ARHGAP6: variants seen among roughly 807,000 people sequenced by gnomAD.
The protein encoded by ARHGAP6 is rho GTPase-activating protein 6.
ARHGAP6 carries 16 observed loss-of-function variants against 55.7 expected under a neutral mutation model. The observed-to-expected ratio is 0.29, with a 90% CI of 0.19 to 0.44. The LOEUF is 0.44. ARHGAP6 is among the 20% of genes least tolerant of loss of function. The pLI, the probability that ARHGAP6 is intolerant of heterozygous loss-of-function variation, is 1.00. For missense variants in ARHGAP6, 698 were observed against 808.9 expected (o/e 0.86, Z 1.66); for synonymous variants, 382 against 360.9 (o/e 1.06, Z -0.66).
chrX:11,600,632 G>A (rs186769357), intron 1 of ARHGAP6, among the ~76,000 whole-genome samples: 22 of 112,331 alleles, frequency 2.0e-4, no homozygotes, highest in Admixed American at 2.8e-4. Context: ...AATGACAAAT[G>A]AAGTGTTGGT....
At chrX:11,152,736 T>C (rs1292373869) in intron 10 of ARHGAP6, among the ~76,000 whole-genome samples, 1 of 112,419 alleles carries the variant, frequency 8.9e-6, no homozygotes, top group African/African-American at 3.2e-5. Flanking sequence ...GGATGCCTTT[T>C]TAATGTCAAA....
chrX:11,638,845 G>C (rs977896846), intron 1 of ARHGAP6, among the ~76,000 whole-genome samples: 2 of 111,706 alleles, frequency 1.8e-5, no homozygotes, highest in Non-Finnish European at 3.8e-5. Flanking sequence ...TAGTAAAAGT[G>C]GTCAAACTAC....
Position 11,138,742 on chromosome X carries a change from T to C in ARHGAP6, c.*121A>G, listed in dbSNP as rs2045577647. 1 of 797,977 alleles carries C rather than the reference T, an allele frequency of 1.3e-6. No individual in the cohort carries two copies. The allele number at this position is 797,977 out of a possible 1,213,427, so 65.8% of individuals were successfully genotyped here. ...CTCTGTAGGTGAACTGGATTTCTCT[T>C]GTGTCACTTTTGAGAAGTGTGAAAG... On this transcript the variant is annotated 3_prime_UTR_variant, in exon 13 of 13. Coordinates refer to ENST00000337414, the MANE Select transcript of ARHGAP6 (RefSeq NM_013427.3).
At chrX:11,567,566 A>AAAAAAAAAAAAAATATATATATATATAT (rs1440758737) in intron 1 of ARHGAP6, among the ~76,000 whole-genome samples, 21 of 84,393 alleles carry the variant, frequency 2.5e-4, no homozygotes, top group African/African-American at 7.6e-4. Flanking sequence ...AAAAAAAAAA[A>AAAAAAAAAAAAAATATATATATATATAT]ATATATATAT....
chrX:11,230,277 A>G (rs5934982), intron 2 of ARHGAP6, among the ~76,000 whole-genome samples: 2,903 of 111,656 alleles, frequency 0.026, 35 homozygotes, highest in Middle Eastern at 0.078. Flanking sequence ...GGCTCACTGC[A>G]ACCTCTGTCT....
intron 1 of ARHGAP6, among the ~76,000 whole-genome samples, chrX:11,629,283 T>C (rs2052334459): frequency 9.0e-6 from 1 of 111,672 alleles, no homozygotes; most frequent in Non-Finnish European, 1.9e-5. Context: ...CCATCTTAGA[T>C]ATCTGCCATC....
chrX:11,612,975 A>G (rs1224733415), intron 1 of ARHGAP6, among the ~76,000 whole-genome samples: 1 of 112,947 alleles, frequency 8.9e-6, no homozygotes, highest in Non-Finnish European at 1.9e-5. Flanking sequence ...ATTATCTAAA[A>G]TGCCCATAAT....
intron 2 of ARHGAP6, among the ~76,000 whole-genome samples, chrX:11,253,228 A>G (rs2047445791): frequency 9.0e-6 from 1 of 111,230 alleles, no homozygotes; most frequent in Non-Finnish European, 1.9e-5. Context: ...ATATCCAGAC[A>G]TTGCCAGATG....
chrX:11,586,438 C>T (rs927128404), intron 1 of ARHGAP6, among the ~76,000 whole-genome samples: 2 of 111,572 alleles, frequency 1.8e-5, no homozygotes, highest in African/African-American at 6.5e-5. Flanking sequence ...AGTCCTTTCC[C>T]CATTGCTTGT....
chrX:11,215,714 C>A (rs1371011896), intron 2 of ARHGAP6, among the ~76,000 whole-genome samples: 5 of 112,612 alleles, frequency 4.4e-5, no homozygotes, highest in Non-Finnish European at 9.4e-5. Context: ...TACGGCCAAC[C>A]AGGAAATGGA....
intron 1 of ARHGAP6, among the ~76,000 whole-genome samples, chrX:11,385,655 G>A (rs920891551): frequency 8.9e-6 from 1 of 111,759 alleles, no homozygotes; most frequent in African/African-American, 3.2e-5. Flanking sequence ...TGCAATCTCT[G>A]TTTAAGTGTT....
intron 1 of ARHGAP6, among the ~76,000 whole-genome samples, chrX:11,653,365 C>T (rs1210639502): frequency 8.9e-6 from 1 of 111,978 alleles, no homozygotes; most frequent in East Asian, 2.8e-4. Flanking sequence ...CACTCCAATG[C>T]CTACCATGAA....
At chrX:11,393,793 G>T (rs767776094) in intron 1 of ARHGAP6, among the ~76,000 whole-genome samples, 18 of 111,466 alleles carry the variant, frequency 1.6e-4, no homozygotes, top group Middle Eastern at 9.2e-3. Flanking sequence ...TCAGCCCAGA[G>T]CCTGAATTCT....
At chrX:11,473,848 A>G (rs760832693) in intron 1 of ARHGAP6, among the ~76,000 whole-genome samples, 2 of 111,822 alleles carry the variant, frequency 1.8e-5, no homozygotes, top group Non-Finnish European at 3.8e-5. Flanking sequence ...GAAAAGCTAT[A>G]GCACAGAATA....
chrX:11,622,701 A>G (rs924618832), intron 1 of ARHGAP6, among the ~76,000 whole-genome samples: 1 of 111,780 alleles, frequency 8.9e-6, no homozygotes, highest in African/African-American at 3.3e-5. Context: ...CTAAAAGGTT[A>G]TCATTATGGT....
chrX:11,314,869 T>G (rs753040550), intron 1 of ARHGAP6, among the ~76,000 whole-genome samples: 1 of 111,742 alleles, frequency 8.9e-6, no homozygotes, highest in African/African-American at 3.3e-5. Context: ...GGAAATAATC[T>G]GTACAACAAA....
At chrX:11,268,610 A>G (rs926821244) in intron 1 of ARHGAP6, among the ~76,000 whole-genome samples, 7 of 111,479 alleles carry the variant, frequency 6.3e-5, no homozygotes, top group Non-Finnish European at 1.3e-4. Flanking sequence ...ACTGGAGTCT[A>G]GCTAATGGAA....
At chrX:11,365,568 T>G (rs1168801759) in intron 1 of ARHGAP6, among the ~76,000 whole-genome samples, 3 of 112,572 alleles carry the variant, frequency 2.7e-5, no homozygotes, top group African/African-American at 9.7e-5. Flanking sequence ...ATGCCTATAG[T>G]GATGTGTTAT....
At chrX:11,438,425 A>C (rs1444078419) in intron 1 of ARHGAP6, among the ~76,000 whole-genome samples, 1 of 112,600 alleles carries the variant, frequency 8.9e-6, no homozygotes, top group Non-Finnish European at 1.9e-5. Flanking sequence ...GTTGATTAAC[A>C]CTTTTTTGGT....
Sources: allele counts gnomAD v4.1 joint callset (sites outside exome capture counted in the v4.1 genomes callset), GRCh38; gene constraint gnomAD v4.1.1; transcripts MANE v1.5; gene names NCBI Gene and HGNC (gene_info 2026-07-23, HGNC 2026-07-21).